Variants in RAB5A observed in about 807,000 individuals in gnomAD.
RAB5A encodes the protein ras-related protein Rab-5A.
RAB5A carries 8 observed loss-of-function variants against 25.7 expected under a neutral mutation model. That is an observed-to-expected ratio of 0.31 (90% CI 0.18 to 0.56). The LOEUF is 0.56. Ranked by LOEUF, RAB5A falls within the 20% of genes least tolerant of loss-of-function variation. The pLI is 0.91. For missense variants in RAB5A, 192 were observed against 259.7 expected, an observed-to-expected ratio of 0.74 and a Z score of 1.79; for synonymous variants, 98 against 89.8, an observed-to-expected ratio of 1.09 and a Z score of -0.52.
rs202029197 is a variant in RAB5A at position 19,981,742 on chromosome 3, T to C, written c.533-1966T>C. ...TTTTTTTAATCAGTGGGAAGCACAC[T>C]CCAGAGAACAGCCACTAGCTGTATA... is the stretch of plus-strand genomic sequence containing the variant. On this transcript the variant is annotated intron_variant, in intron 5 of 5. Transcript: ENST00000273047. Among the ~76,000 whole-genome samples, 34 of 152,146 alleles carry C rather than the reference T, an allele frequency of 2.2e-4. No individual in the cohort carries two copies. The East Asian group carries it at 6.4e-3, about 29-fold the overall frequency.
intron 2 of RAB5A, among the ~76,000 whole-genome samples, chr3:19,974,878 C>T (rs1696800663): frequency 6.6e-6 from 1 of 152,118 alleles, no homozygotes; most frequent in Admixed American, 6.5e-5. Flanking sequence ...GGGTTTCCCC[C>T]AACTTCATTT....
At chr3:19,955,982 T>G (rs533569553) in intron 2 of RAB5A, among the ~76,000 whole-genome samples, 1 of 152,280 alleles carries the variant, frequency 6.6e-6, no homozygotes, top group African/African-American at 2.4e-5. Flanking sequence ...CTGTATCTCT[T>G]TATAGGAGAA....
intron 2 of RAB5A, among the ~76,000 whole-genome samples, chr3:19,960,232 G>C (rs554265949): frequency 6.6e-6 from 1 of 152,218 alleles, no homozygotes; most frequent in Admixed American, 6.5e-5. Context: ...TACATCAAAA[G>C]CCTTTTCAGC....
intron 2 of RAB5A, among the ~76,000 whole-genome samples, chr3:19,971,935 T>A (rs756056355): frequency 6.6e-6 from 1 of 151,828 alleles, no homozygotes; most frequent in African/African-American, 2.4e-5. Context: ...GTTCCATGTA[T>A]CTTTTTGAAC....
intron 5 of RAB5A, among the ~76,000 whole-genome samples, chr3:19,982,869 T>G (rs192388348): frequency 1.4e-4 from 22 of 152,268 alleles, no homozygotes; most frequent in Non-Finnish European, 1.2e-4. Context: ...GGGGTGATAA[T>G]TAGTTGCACA....
chr3:19,981,103 G>A (rs34343204), intron 5 of RAB5A, among the ~76,000 whole-genome samples: 22,057 of 152,104 alleles, frequency 0.15, 1,664 homozygotes, highest in South Asian at 0.21. Flanking sequence ...CTTAAAATCA[G>A]TACTCTTAGT....
chr3:19,961,070 A>G (rs1171007313), intron 2 of RAB5A, among the ~76,000 whole-genome samples: 1 of 152,232 alleles, frequency 6.6e-6, no homozygotes, highest in Non-Finnish European at 1.5e-5. Context: ...CCTCTATTGC[A>G]TTCATAAGTA....
In RAB5A at chr3:19,969,045, G is replaced by GTTTTTTTTTT. The variant is rs386396075; in HGVS notation, c.164-6549_164-6540dup. 6.6e-4 allele frequency among the ~76,000 whole-genome samples: 68 copies of GTTTTTTTTTT among 103,380 alleles called. 2 individuals are homozygous for GTTTTTTTTTT. The highest frequency in any genetic ancestry group is 8.9e-4 in the Non-Finnish European group (51 of 57,506). 67.8% of individuals were successfully genotyped at this position (103,380 alleles called of 152,430 possible). A position where few individuals can be genotyped will look rare whatever the true frequency, so the allele number is the denominator to read the frequency against. ...TTTTGGTTTTGGTTTTTTTTTTTTG[G>GTTTTTTTTTT]TTTTTTTTTTTTTTTTGAGATGGAG... is the stretch of plus-strand genomic sequence containing the variant. On this transcript the variant is annotated intron_variant, in intron 2 of 5. Transcript: ENST00000273047.
chr3:19,961,682 T>TTTTGAC (rs1367878975), intron 2 of RAB5A, among the ~76,000 whole-genome samples: 1 of 152,060 alleles, frequency 6.6e-6, no homozygotes. Flanking sequence ...ATTCAAGAAG[T>TTTTGAC]TTATAAGGTT....
intron 2 of RAB5A, among the ~76,000 whole-genome samples, chr3:19,956,192 G>T (rs1198923697): frequency 6.6e-6 from 1 of 152,168 alleles, no homozygotes; most frequent in Non-Finnish European, 1.5e-5. Flanking sequence ...TGTAGGCCGG[G>T]CGCAGTGGCT....
chr3:19,983,164 C>T (rs1294327980), intron 5 of RAB5A, among the ~76,000 whole-genome samples: 1 of 151,816 alleles, frequency 6.6e-6, no homozygotes, highest in Non-Finnish European at 1.5e-5. Flanking sequence ...TGGTGAAACC[C>T]CGTCTCTACT....
chr3:19,969,371 T>C (rs1696711772), intron 2 of RAB5A, among the ~76,000 whole-genome samples: 1 of 152,198 alleles, frequency 6.6e-6, no homozygotes, highest in African/African-American at 2.4e-5. Flanking sequence ...TATGCTAATT[T>C]AGGAGATAAA....
intron 2 of RAB5A, among the ~76,000 whole-genome samples, chr3:19,969,421 T>C (rs1696712528): frequency 6.6e-6 from 1 of 152,214 alleles, no homozygotes; most frequent in South Asian, 2.1e-4. Context: ...TGACTACTGG[T>C]CTCCTTTTCT....
intron 4 of RAB5A, among the ~76,000 whole-genome samples, chr3:19,977,568 G>A (rs1696845716): frequency 6.6e-6 from 1 of 152,116 alleles, no homozygotes; most frequent in African/African-American, 2.4e-5. Flanking sequence ...TAATTCTTAG[G>A]ACAACGATGT....
chr3:19,960,380 A>G (rs968372410), intron 2 of RAB5A, among the ~76,000 whole-genome samples: 1 of 152,156 alleles, frequency 6.6e-6, no homozygotes, highest in Non-Finnish European at 1.5e-5. Flanking sequence ...GGCTCACTGC[A>G]GCCTCAACTT....
chr3:19,969,395 A>G (rs988931267), intron 2 of RAB5A, among the ~76,000 whole-genome samples: 2 of 152,162 alleles, frequency 1.3e-5, no homozygotes, highest in Non-Finnish European at 2.9e-5. Flanking sequence ...TGTTTTGACT[A>G]TGTGGATGAT....
chr3:19,948,324 A>G (rs1696363136), intron 1 of RAB5A, among the ~76,000 whole-genome samples: 1 of 152,238 alleles, frequency 6.6e-6, no homozygotes. Flanking sequence ...ATAAGAAAAA[A>G]ACACTTGTAC....
Position 19,950,816 on chromosome 3 carries a change from C to T in RAB5A, c.-83C>T. On this transcript the variant is annotated 5_prime_UTR_variant, in exon 2 of 6. Transcript: ENST00000273047. Reference sequence around the variant, plus strand: ...ATTGTTTCTTTACAGGTTTCTTTACCTCCAGAAAGAAGAATATTGGCCCCT... The same window carrying T: ...ATTGTTTCTTTACAGGTTTCTTTACTTCCAGAAAGAAGAATATTGGCCCCT... The T allele has an allele frequency of 3.4e-5, 46 of 1,358,990 alleles. No individual in the cohort carries two copies. Among genetic ancestry groups the T allele is most frequent in the Middle Eastern group, 2.7e-4 (1 of 3,670 alleles). The allele number at this position is 1,358,990 out of a possible 1,614,324, so 84.2% of individuals were successfully genotyped here.
At chr3:19,950,560 A>T (rs544119260) in intron 1 of RAB5A, among the ~76,000 whole-genome samples, 1 of 152,336 alleles carries the variant, frequency 6.6e-6, no homozygotes, top group South Asian at 2.1e-4. Flanking sequence ...ATTGTTGAGA[A>T]GTTAAGTACT....
Sources: allele counts gnomAD v4.1 joint callset (sites outside exome capture counted in the v4.1 genomes callset), GRCh38; gene constraint gnomAD v4.1.1; transcripts MANE v1.5; gene names NCBI Gene and HGNC (gene_info 2026-07-23, HGNC 2026-07-21).